Variants in DTNB observed in about 807,000 individuals in gnomAD.
The protein encoded by DTNB is dystrobrevin beta.
In DTNB, 63 loss-of-function variants were observed where a neutral mutation model predicts 90.7. The observed-to-expected ratio is 0.69, with a 90% CI of 0.57 to 0.86. DTNB has a LOEUF of 0.86. DTNB is among the 40% of genes least tolerant of loss of function. The probability of loss-of-function intolerance (pLI) is 0.00; values close to 1 mark genes in which losing one functional copy is unlikely to be tolerated. For missense variants in DTNB, 744 were observed against 807.1 expected (o/e 0.92, Z 0.95); for synonymous variants, 277 against 286.7 (o/e 0.97, Z 0.34).
In DTNB at chr2:25,482,862, G is replaced by T; in HGVS notation, c.1013C>A (p.Pro338His). The T allele has an allele frequency of 6.2e-7, 1 of 1,605,930 alleles. No individual in the cohort carries two copies. The highest frequency in any genetic ancestry group is 1.3e-5 in the African/African-American group (1 of 74,156). The change falls in exon 10 of 21, where the codon CCT becomes CAT. Residue 338 changes from proline to histidine, a missense_variant. Physicochemically the swap from Pro to His is moderately conservative, Grantham distance 77 (BLOSUM62 -2). Coordinates refer to ENST00000406818, the MANE Select transcript of DTNB (RefSeq NM_021907.5). ...LDLAHIVPPR[P>H]LTNMNDTMVS... is the part of the protein sequence containing the mutation. Reference sequence around the variant, plus strand: ...CATGGTGTCATTCATATTAGTCAGAGGGCGAGGAGGACTGAAAGAAAAGAC... The same window carrying T: ...CATGGTGTCATTCATATTAGTCAGATGGCGAGGAGGACTGAAAGAAAAGAC...
At position 25,393,863 on chromosome 2, in the gene DTNB, A is replaced by G. The variant is rs192314092; in HGVS notation, c.1576-5502T>C. ...TCAATGCAATTCCCATCAAAATACCACCATCATTCCTCACAGGACTAGAAA... is the reference window on the plus strand; with the variant it reads ...TCAATGCAATTCCCATCAAAATACCGCCATCATTCCTCACAGGACTAGAAA... On this transcript the variant is annotated intron_variant, in intron 16 of 20. Coordinates refer to ENST00000406818, the MANE Select transcript of DTNB (RefSeq NM_021907.5). Among the ~76,000 whole-genome samples, 42 of 152,156 alleles carry G rather than the reference A, an allele frequency of 2.8e-4. 1 individual carries two copies. Among genetic ancestry groups the G allele is most frequent in the African/African-American group, 9.9e-4 (41 of 41,494 alleles).
At chr2:25,380,132 C>A (rs1282546771) in intron 19 of DTNB, among the ~76,000 whole-genome samples, 1 of 152,196 alleles carries the variant, frequency 6.6e-6, no homozygotes, top group East Asian at 1.9e-4. Context: ...TCAAAAGTTC[C>A]ATTTGACTCT....
At chr2:25,449,073 T>C (rs906036950) in intron 12 of DTNB, among the ~76,000 whole-genome samples, 2 of 152,214 alleles carry the variant, frequency 1.3e-5, no homozygotes, top group Non-Finnish European at 2.9e-5. Context: ...TTGCCTATTC[T>C]AGAATTTCAC....
intron 16 of DTNB, among the ~76,000 whole-genome samples, chr2:25,408,499 A>G (rs895138547): frequency 3.1e-5 from 4 of 130,098 alleles, no homozygotes; most frequent in Admixed American, 1.8e-4. Context: ...AGATCACACC[A>G]CTGCACTCCA....
intron 8 of DTNB, among the ~76,000 whole-genome samples, chr2:25,545,442 G>A (rs1283565026): frequency 2.0e-5 from 3 of 152,306 alleles, no homozygotes; most frequent in East Asian, 1.9e-4. Flanking sequence ...CATTTGAACT[G>A]AGCTGTGGAA....
rs1397115391 is a variant in DTNB, at chr2:25,422,474, C to T, written c.1555-2939G>A. Among the ~76,000 whole-genome samples, 7 of 134,572 alleles carry T rather than the reference C, an allele frequency of 5.2e-5. No individual in the cohort carries two copies. In the South Asian group the frequency reaches 1.2e-3, roughly 23 times the overall value. 88.3% of individuals were successfully genotyped at this position (134,572 alleles called of 152,430 possible). On this transcript the variant is annotated intron_variant, in intron 15 of 20. Coordinates refer to ENST00000406818, the MANE Select transcript of DTNB (RefSeq NM_021907.5). ...AGGCTGGAGTGCAATGGCGCGATCT[C>T]GGCTCAGTGTGACCTCCGCCTCCTG...
intron 8 of DTNB, among the ~76,000 whole-genome samples, chr2:25,555,178 C>A (rs1251015807): frequency 6.6e-6 from 1 of 151,322 alleles, no homozygotes; most frequent in East Asian, 1.9e-4. Flanking sequence ...GTAGTCCCAG[C>A]TACCTGGGAG....
chr2:25,492,073 A>C (rs953202876), intron 9 of DTNB, among the ~76,000 whole-genome samples: 1 of 152,140 alleles, frequency 6.6e-6, no homozygotes, highest in African/African-American at 2.4e-5. Context: ...AAAACACTTA[A>C]GGATATTTAC....
chr2:25,665,000 A>G (rs2084084706), intron 1 of DTNB, among the ~76,000 whole-genome samples: 1 of 152,222 alleles, frequency 6.6e-6, no homozygotes, highest in Non-Finnish European at 1.5e-5. Flanking sequence ...GAGTGCAGCA[A>G]AAAGTTTGGA....
chr2:25,388,805 C>CGTGTGTGT (rs112323714), intron 16 of DTNB, among the ~76,000 whole-genome samples: 6,146 of 149,196 alleles, frequency 0.041, 203 homozygotes, highest in African/African-American at 0.088. Context: ...AAAGGACATA[C>CGTGTGTGT]GTGTGTGTGT....
chr2:25,536,762 G>C (rs1400529138), intron 8 of DTNB, among the ~76,000 whole-genome samples: 1 of 151,974 alleles, frequency 6.6e-6, no homozygotes, highest in East Asian at 1.9e-4. Context: ...GAGAGGGAGA[G>C]CTTTTATTTA....
At chr2:25,532,701 T>A (rs529742118) in intron 8 of DTNB, among the ~76,000 whole-genome samples, 37 of 152,346 alleles carry the variant, frequency 2.4e-4, no homozygotes, top group Middle Eastern at 6.8e-3. Flanking sequence ...AACACTGTTA[T>A]CTGAGATTTT....
intron 8 of DTNB, among the ~76,000 whole-genome samples, chr2:25,558,671 G>A (rs1053423090): frequency 1.5e-4 from 23 of 152,074 alleles, no homozygotes; most frequent in African/African-American, 5.3e-4. Context: ...GAATGTTCTC[G>A]TTTTAAACTT....
intron 7 of DTNB, among the ~76,000 whole-genome samples, 183 bp downstream of exon 7, chr2:25,580,538 A>G (rs1178995752): frequency 6.6e-6 from 1 of 151,900 alleles, no homozygotes; most frequent in African/African-American, 2.4e-5. Context: ...AAAAAAAGTA[A>G]TAAGTACCCT....
chr2:25,446,414 T>G (rs1166157345), intron 12 of DTNB, among the ~76,000 whole-genome samples: 1 of 152,048 alleles, frequency 6.6e-6, no homozygotes, highest in African/African-American at 2.4e-5. Context: ...TTTTGTTTTT[T>G]TTTTCTAACT....
At chr2:25,453,876 A>G (rs6715574) in intron 11 of DTNB, among the ~76,000 whole-genome samples, 134,723 of 152,258 alleles carry the variant, frequency 0.88, 59,973 homozygotes, top group Non-Finnish European at 0.93. Flanking sequence ...AGCCGGGCGT[A>G]GTGGCTCATG....
intron 8 of DTNB, among the ~76,000 whole-genome samples, chr2:25,560,985 A>C (rs909241112): frequency 5.3e-5 from 8 of 152,118 alleles, no homozygotes; most frequent in Admixed American, 2.0e-4. Context: ...TGCCATTTCT[A>C]GTCACCTCCT....
chr2:25,528,376 A>ACTT (rs1282890707), intron 9 of DTNB, among the ~76,000 whole-genome samples: 1 of 152,114 alleles, frequency 6.6e-6, no homozygotes, highest in African/African-American at 2.4e-5. Flanking sequence ...CTTCTAAACC[A>ACTT]CTTCTATTCA....
chr2:25,426,652 A>T (rs2051743845), intron 15 of DTNB: 1 of 152,202 alleles, frequency 6.6e-6, no homozygotes, highest in Non-Finnish European at 1.5e-5. Context: ...TTACACCACC[A>T]GCTTTCTTGG....
Sources: gnomAD v4.1 joint callset for allele counts (sites outside exome capture counted in the v4.1 genomes callset) on GRCh38, gnomAD v4.1.1 for gene constraint, MANE v1.5 for transcripts, NCBI Gene and HGNC (gene_info 2026-07-23, HGNC 2026-07-21) for gene names.